Variants in CAMTA1 observed in about 807,000 individuals in gnomAD.
CAMTA1 encodes calmodulin-binding transcription activator 1.
CAMTA1 carries 27 observed loss-of-function variants against 170.9 expected under a neutral mutation model. That is an observed-to-expected ratio of 0.16 (90% CI 0.12 to 0.22). The LOEUF is 0.22. Ranked by LOEUF, CAMTA1 falls within the 10% of genes least tolerant of loss-of-function variation. The probability of loss-of-function intolerance (pLI) is 1.00; values close to 1 mark genes in which losing one functional copy is unlikely to be tolerated. For missense variants in CAMTA1, 1,619 were observed against 2,217.2 expected, an observed-to-expected ratio of 0.73 and a Z score of 5.42; for synonymous variants, 833 against 891.5, an observed-to-expected ratio of 0.93 and a Z score of 1.17.
intron 6 of CAMTA1, among the ~76,000 whole-genome samples, chr1:7,553,213 AAGTG>A (rs1557904693): frequency 4.0e-5 from 6 of 148,400 alleles, no homozygotes; most frequent in African/African-American, 9.9e-5. Flanking sequence ...ATGAGTGAAT[AAGTG>A]AGTGAATGAA....
chr1:7,038,021 C>A (rs1703893862), intron 3 of CAMTA1, among the ~76,000 whole-genome samples: 1 of 151,740 alleles, frequency 6.6e-6, no homozygotes, highest in African/African-American at 2.4e-5. Context: ...GTTACTTAAC[C>A]TCTCGAGGCC....
At chr1:7,006,944 G>T (rs907077676) in intron 3 of CAMTA1, among the ~76,000 whole-genome samples, 2 of 151,626 alleles carry the variant, frequency 1.3e-5, no homozygotes, top group African/African-American at 4.9e-5. Flanking sequence ...TTTCTTTCAG[G>T]AAGGATTTGT....
chr1:7,718,107 G>C (rs1289636882), intron 11 of CAMTA1, among the ~76,000 whole-genome samples: 1 of 152,098 alleles, frequency 6.6e-6, no homozygotes, highest in Non-Finnish European at 1.5e-5. Context: ...ATCGTGTTGG[G>C]TTTTTGTAGT....
At chr1:7,716,458 C>T (rs922663134) in intron 11 of CAMTA1, among the ~76,000 whole-genome samples, 1 of 152,172 alleles carries the variant, frequency 6.6e-6, no homozygotes, top group Non-Finnish European at 1.5e-5. Context: ...TTTCATTCTA[C>T]TAAGTTGGGA....
At chr1:7,403,832 C>T (rs1338372349) in intron 5 of CAMTA1, among the ~76,000 whole-genome samples, 1 of 152,096 alleles carries the variant, frequency 6.6e-6, no homozygotes, top group East Asian at 1.9e-4. Context: ...CTCACCGCAA[C>T]CCCCCAAGGG....
chr1:6,890,553 C>T (rs1039114859), intron 3 of CAMTA1, among the ~76,000 whole-genome samples: 1 of 151,286 alleles, frequency 6.6e-6, no homozygotes, highest in Non-Finnish European at 1.5e-5. Context: ...CCCACTTAGG[C>T]TCTTGGACAG....
rs945582335 is a variant in CAMTA1, at chr1:7,044,817, T to A, written c.235-46487T>A. 4.8e-5 allele frequency among the ~76,000 whole-genome samples: 7 copies of A among 145,858 alleles called. No homozygotes were observed. In the South Asian group the frequency reaches 1.4e-3, roughly 29 times the overall value. ...TCACGTCCTCTCCCCCACTCCCTCC[T>A]CTTCCCGCCTGTGGTTTTCTTTCCC... On this transcript the variant is annotated intron_variant, in intron 3 of 22. Coordinates refer to ENST00000303635, the MANE Select transcript of CAMTA1 (RefSeq NM_015215.4). The surrounding 1 kb of genome is among the most constrained non-coding windows in gnomAD (Gnocchi z 5.0).
At chr1:7,550,812 G>T (rs1419714181) in intron 6 of CAMTA1, among the ~76,000 whole-genome samples, 2 of 113,412 alleles carry the variant, frequency 1.8e-5, no homozygotes, top group African/African-American at 5.9e-5. Context: ...CTCCTACCTG[G>T]CCCCTACCAC....
At chr1:7,039,950 AT>A (rs558348373) in intron 3 of CAMTA1, among the ~76,000 whole-genome samples, 339 of 143,590 alleles carry the variant, frequency 2.4e-3, no homozygotes, top group East Asian at 8.1e-3. Flanking sequence ...GTGGCAAAAC[AT>A]TTTTTTTTTT....
chr1:7,045,080 T>C (rs1705157093), intron 3 of CAMTA1, among the ~76,000 whole-genome samples: 1 of 152,168 alleles, frequency 6.6e-6, no homozygotes. Flanking sequence ...TATCCTGTTT[T>C]TAATCATGGG....
In CAMTA1 at chr1:7,310,688, C is replaced by T. The variant is rs1183154233; in HGVS notation, c.438+61062C>T. Reference sequence around the variant, plus strand: ...CTTTCTTTCCTTTCTTTCTCTCTCTCTCTCTCTCTCTCTCTTTCTTTCTTT... The same window carrying T: ...CTTTCTTTCCTTTCTTTCTCTCTCTTTCTCTCTCTCTCTCTTTCTTTCTTT... On this transcript the variant is annotated intron_variant, in intron 5 of 22. Coordinates refer to ENST00000303635, the MANE Select transcript of CAMTA1 (RefSeq NM_015215.4). Among the ~76,000 whole-genome samples, 127 of 42,032 alleles carry T rather than the reference C, an allele frequency of 3.0e-3. 9 individuals carry two copies. Among genetic ancestry groups the T allele is most frequent in the African/African-American group, 0.017 (114 of 6,828 alleles). 27.6% of individuals were successfully genotyped at this position (42,032 alleles called of 152,430 possible).
intron 3 of CAMTA1, among the ~76,000 whole-genome samples, chr1:7,038,288 A>C (rs1703933968): frequency 6.6e-6 from 1 of 152,214 alleles, no homozygotes; most frequent in South Asian, 2.1e-4. Flanking sequence ...TCATTGTGGC[A>C]TTGTTTGTCA....
At chr1:7,271,555 A>G (rs1038828281) in intron 5 of CAMTA1, among the ~76,000 whole-genome samples, 1 of 147,144 alleles carries the variant, frequency 6.8e-6, no homozygotes, top group Admixed American at 6.9e-5. Context: ...TGTTAATTAC[A>G]CTGAGAAAAG....
At position 6,982,306 on chromosome 1, in the gene CAMTA1, C is replaced by T. The variant is rs75870120; in HGVS notation, c.235-108998C>T. On this transcript the variant is annotated intron_variant, in intron 3 of 22. Coordinates refer to ENST00000303635, the MANE Select transcript of CAMTA1 (RefSeq NM_015215.4). ...CCTCCTAGAGCAGCAATGGGGAGAACAGTCTTTAGGGCTGGAGATGATGGA... is the reference window on the plus strand; with the variant it reads ...CCTCCTAGAGCAGCAATGGGGAGAATAGTCTTTAGGGCTGGAGATGATGGA... 5.2e-3 allele frequency among the ~76,000 whole-genome samples: 785 copies of T among 152,312 alleles called. 6 individuals carry two copies. Among genetic ancestry groups the T allele is most frequent in the African/African-American group, 0.018 (739 of 41,572 alleles).
chr1:6,914,583 C>T (rs1479744026), intron 3 of CAMTA1, among the ~76,000 whole-genome samples: 5 of 152,330 alleles, frequency 3.3e-5, no homozygotes, highest in South Asian at 2.1e-4. Context: ...TTGTGGCCTC[C>T]GACTAGTGGT....
chr1:7,035,112 T>C (rs967242207), intron 3 of CAMTA1, among the ~76,000 whole-genome samples: 4 of 152,096 alleles, frequency 2.6e-5, no homozygotes, highest in African/African-American at 9.7e-5. Context: ...ATAAAAGCTG[T>C]CATTTTTGGC....
rs72865626 is a variant in CAMTA1 at position 7,370,771 on chromosome 1, T to C, written c.439-97059T>C. On this transcript the variant is annotated intron_variant, in intron 5 of 22. Transcript: ENST00000303635. The stretch of plus-strand genomic sequence containing the variant: ...ATATCAATTGAGAAATAAGGCAAAT[T>C]TTCCATTCTTACATTTCATTAAAAA... 4.1e-3 allele frequency among the ~76,000 whole-genome samples: 630 copies of C among 152,238 alleles called. 2 individuals carry two copies. Among genetic ancestry groups the C allele is most frequent in the African/African-American group, 0.014 (585 of 41,536 alleles).
rs145982731 is a variant in CAMTA1 at position 7,744,981 on chromosome 1, T to C, written c.4329T>C (p.Tyr1443=). The change falls in exon 17 of 23, where the codon TAT becomes TAC. Residue 1443 remains tyrosine (Y), a synonymous_variant. Transcript: ENST00000303635. ...ISSTMSWLAS[Y]LADADCLPSA... is the part of the protein sequence containing the mutation. Reference sequence around the variant, plus strand: ...GTACAATGAGCTGGCTGGCCAGTTATCTAGCGGATGCTGACTGCCTTCCCA... The same window carrying C: ...GTACAATGAGCTGGCTGGCCAGTTACCTAGCGGATGCTGACTGCCTTCCCA... The C allele has an allele frequency of 1.4e-5, 22 of 1,614,010 alleles. No homozygotes were observed. Among genetic ancestry groups the C allele is most frequent in the South Asian group, 6.6e-5 (6 of 91,084 alleles).
At chr1:7,291,980 T>A (rs1438953376) in intron 5 of CAMTA1, among the ~76,000 whole-genome samples, 1 of 152,210 alleles carries the variant, frequency 6.6e-6, no homozygotes, top group Non-Finnish European at 1.5e-5. Flanking sequence ...AAAGCTGGTG[T>A]GTGCATTGCA....
Sources: gnomAD v4.1 joint callset for allele counts (sites outside exome capture counted in the v4.1 genomes callset) on GRCh38, gnomAD v4.1.1 for gene constraint, Gnocchi (gnomAD v3.1) non-coding constraint, MANE v1.5 for transcripts, NCBI Gene and HGNC (gene_info 2026-07-23, HGNC 2026-07-21) for gene names.